FOXP2: variants seen among roughly 807,000 people sequenced by gnomAD.
FOXP2 encodes the protein forkhead box protein P2.
Under a neutral mutation model 115.8 loss-of-function variants are expected in FOXP2, and 12 were observed. That is an observed-to-expected ratio of 0.10 (90% CI 0.07 to 0.17). The LOEUF (loss-of-function observed/expected upper bound fraction) is 0.17, where lower values mean the gene tolerates loss of function less well. Ranked by LOEUF, FOXP2 falls within the 10% of genes least tolerant of loss-of-function variation. FOXP2 has a pLI of 1.00. For synonymous variants in FOXP2, 328 were observed against 297.7 expected, an observed-to-expected ratio of 1.10 and a Z score of -1.05; for missense variants, 629 against 843.5, an observed-to-expected ratio of 0.75 and a Z score of 3.15.
chr7:114,459,510 A>G (rs1469009375), intron 2 of FOXP2, among the ~76,000 whole-genome samples: 1 of 152,220 alleles, frequency 6.6e-6, no homozygotes, highest in Non-Finnish European at 1.5e-5. Context: ...ATTCGTCCAA[A>G]TATTTTATTC....
chr7:114,405,388 G>A (rs544243680), intron 2 of FOXP2, among the ~76,000 whole-genome samples: 10 of 151,964 alleles, frequency 6.6e-5, no homozygotes, highest in African/African-American at 1.7e-4. Context: ...AAAACAAATA[G>A]TAATATCTAT....
At chr7:114,378,415 G>A (rs1213066290) in intron 2 of FOXP2, among the ~76,000 whole-genome samples, 2 of 152,026 alleles carry the variant, frequency 1.3e-5, no homozygotes, top group African/African-American at 4.8e-5. Context: ...CAGGTGCTGT[G>A]ACTCATGCCT....
At chr7:114,530,235 C>A (rs1365402770) in intron 2 of FOXP2, among the ~76,000 whole-genome samples, 1 of 151,962 alleles carries the variant, frequency 6.6e-6, no homozygotes, top group Non-Finnish European at 1.5e-5. Context: ...ATTTGGGCTG[C>A]ATCTATTTTC....
chr7:114,649,659 C>G (rs1806124779), intron 8 of FOXP2, among the ~76,000 whole-genome samples: 1 of 152,034 alleles, frequency 6.6e-6, no homozygotes, highest in Non-Finnish European at 1.5e-5. Flanking sequence ...ATATCTGACA[C>G]TATTTCTGTA....
At chr7:114,139,137 G>T (rs1394905366) in intron 1 of FOXP2, among the ~76,000 whole-genome samples, 5 of 151,956 alleles carry the variant, frequency 3.3e-5, no homozygotes, top group Non-Finnish European at 5.9e-5. Flanking sequence ...CTATAGACCA[G>T]GTACTTTAAA....
chr7:114,267,772 T>TA (rs1158217078), intron 1 of FOXP2, among the ~76,000 whole-genome samples: 2 of 142,982 alleles, frequency 1.4e-5, no homozygotes, highest in African/African-American at 5.4e-5. Context: ...AATAAATAAA[T>TA]AAATAAATAA....
chr7:114,227,555 GA>G (rs1391223213), intron 1 of FOXP2, among the ~76,000 whole-genome samples: 2 of 19,248 alleles, frequency 1.0e-4, no homozygotes, highest in African/African-American at 2.6e-4. Context: ...TGTCTTTCTA[GA>G]ATACCTGTCT....
At chr7:114,467,753 G>T (rs187200033) in intron 2 of FOXP2, among the ~76,000 whole-genome samples, 2 of 152,196 alleles carry the variant, frequency 1.3e-5, no homozygotes, top group African/African-American at 4.8e-5. Context: ...ATGAATAGAA[G>T]ATACTTTCTT....
chr7:114,660,103 AGCTGCCACGGGAGTGAGG>A (rs1314920742), intron 13 of FOXP2, among the ~76,000 whole-genome samples: 3 of 152,190 alleles, frequency 2.0e-5, no homozygotes, highest in Non-Finnish European at 4.4e-5. Flanking sequence ...TACAGACTGA[AGCTGCCACGGGAGTGAGG>A]GCCATGGCTA....
chr7:114,642,804 ATATATATATTTTT>A (rs1805631568), intron 7 of FOXP2, among the ~76,000 whole-genome samples, 181 bp downstream of exon 7: 49 of 13,270 alleles, frequency 3.7e-3, no homozygotes, highest in African/African-American at 5.7e-3. Context: ...ATATATATAT[ATATATATATTTTT>A]TTTTTTTTTT....
At chr7:114,351,440 C>T (rs1358984399) in intron 2 of FOXP2, among the ~76,000 whole-genome samples, 1 of 152,028 alleles carries the variant, frequency 6.6e-6, no homozygotes, top group Non-Finnish European at 1.5e-5. Flanking sequence ...TTTGAATGTG[C>T]TATAAAGCAC....
At chr7:114,286,892 G>A (rs961099875) in intron 1 of FOXP2, among the ~76,000 whole-genome samples, 1 of 151,986 alleles carries the variant, frequency 6.6e-6, no homozygotes, top group Non-Finnish European at 1.5e-5. Flanking sequence ...CTGGACTAAG[G>A]TTTTATTGCA....
At chr7:114,498,884 A>T (rs1797440604) in intron 2 of FOXP2, 1 of 717,920 alleles carries the variant, frequency 1.4e-6, no homozygotes, top group African/African-American at 1.7e-5. Context: ...TTTCCTCAGG[A>T]GGATGTTGTC....
chr7:114,174,190 C>G (rs933898776), intron 1 of FOXP2, among the ~76,000 whole-genome samples: 1 of 151,794 alleles, frequency 6.6e-6, no homozygotes, highest in African/African-American at 2.4e-5. Context: ...GTTTGTACTC[C>G]CACACATACT....
At chr7:114,503,215 T>C (rs1407623167) in intron 2 of FOXP2, among the ~76,000 whole-genome samples, 1 of 148,514 alleles carries the variant, frequency 6.7e-6, no homozygotes, top group African/African-American at 2.5e-5. Flanking sequence ...TTTTCAATCA[T>C]TTTTTTGGTT....
At chr7:114,607,257 G>T (rs931210097) in intron 3 of FOXP2, among the ~76,000 whole-genome samples, 1 of 152,112 alleles carries the variant, frequency 6.6e-6, no homozygotes, top group Non-Finnish European at 1.5e-5. Flanking sequence ...GAAGTGCAAG[G>T]CTAGATATAT....
intron 1 of FOXP2, among the ~76,000 whole-genome samples, chr7:114,254,610 C>A (rs1795553294): frequency 6.6e-6 from 1 of 152,176 alleles, no homozygotes; most frequent in Non-Finnish European, 1.5e-5. Flanking sequence ...GGGCATTCGT[C>A]ACGTAGTTCT....
At chr7:114,662,734 C>T (rs181261272) in intron 14 of FOXP2, among the ~76,000 whole-genome samples, 4 of 152,098 alleles carry the variant, frequency 2.6e-5, no homozygotes, top group Non-Finnish European at 4.4e-5. Flanking sequence ...TTGAGATGAC[C>T]AAGGTATACT....
chr7:114,456,301 C>T (rs914756041), intron 2 of FOXP2, among the ~76,000 whole-genome samples: 3 of 152,250 alleles, frequency 2.0e-5, no homozygotes, highest in South Asian at 2.1e-4. Context: ...TAGAGCCCTG[C>T]GGTGTAATCA....
Sources: allele counts gnomAD v4.1 joint callset (sites outside exome capture counted in the v4.1 genomes callset), GRCh38; gene constraint gnomAD v4.1.1; transcripts MANE v1.5; gene names NCBI Gene and HGNC (gene_info 2026-07-23, HGNC 2026-07-21).